Variants in ROBO1 observed in about 807,000 individuals in gnomAD.
ROBO1 encodes the protein roundabout homolog 1.
A neutral mutation model predicts 195.9 loss-of-function variants in ROBO1; 149 were observed. The observed-to-expected ratio is 0.76, with a 90% CI of 0.67 to 0.87. ROBO1 has a LOEUF of 0.87. ROBO1 is among the 40% of genes least tolerant of loss of function. ROBO1 has a pLI of 0.00. For synonymous variants in ROBO1, 816 were observed against 733.2 expected (o/e 1.11, Z -1.82); for missense variants, 1,933 against 2,068.3 (o/e 0.93, Z 1.27).
At chr3:79,461,822 A>G (rs1937653999) in intron 2 of ROBO1, among the ~76,000 whole-genome samples, 1 of 152,174 alleles carries the variant, frequency 6.6e-6, no homozygotes, top group Non-Finnish European at 1.5e-5. Context: ...AAATGGCATA[A>G]TGTTTGAAAT....
chr3:79,229,181 T>C (rs1347543454), intron 2 of ROBO1, among the ~76,000 whole-genome samples: 3 of 152,304 alleles, frequency 2.0e-5, no homozygotes, highest in Middle Eastern at 3.4e-3. Context: ...GTATGCAATT[T>C]AAACAATTCT....
At chr3:79,604,282 G>C (rs1411077792) in intron 1 of ROBO1, among the ~76,000 whole-genome samples, 3 of 151,894 alleles carry the variant, frequency 2.0e-5, no homozygotes, top group African/African-American at 7.2e-5. Flanking sequence ...TCTATTACAG[G>C]TTTACCTGCT....
At chr3:78,619,418 T>A (rs1704318090) in intron 26 of ROBO1, among the ~76,000 whole-genome samples, 3 of 151,796 alleles carry the variant, frequency 2.0e-5, no homozygotes, top group Non-Finnish European at 4.4e-5. Context: ...GTGCCCAGGA[T>A]TGAGGCCTTC....
chr3:79,214,718 T>C (rs1253072456), intron 2 of ROBO1, among the ~76,000 whole-genome samples: 1 of 149,102 alleles, frequency 6.7e-6, no homozygotes, highest in Non-Finnish European at 1.5e-5. Context: ...GTAATTGCTA[T>C]ATATATATAT....
intron 2 of ROBO1, among the ~76,000 whole-genome samples, chr3:79,204,838 C>T (rs1439666030): frequency 3.9e-5 from 6 of 152,176 alleles, no homozygotes; most frequent in Admixed American, 3.9e-4. Flanking sequence ...GTTTCCTACA[C>T]TGCAAATTGC....
At chr3:78,881,535 T>G (rs144506085) in intron 4 of ROBO1, among the ~76,000 whole-genome samples, 180 of 152,320 alleles carry the variant, frequency 1.2e-3, no homozygotes, top group African/African-American at 4.1e-3. Context: ...TATGGTTATT[T>G]TTAGACACTC....
chr3:78,902,896 C>T lies in ROBO1; in HGVS notation c.499+35705G>A, dbSNP rs895318945. On this transcript the variant is annotated intron_variant, in intron 4 of 30. Transcript: ENST00000464233. ...ATATTCATTGGCACTGAAACATTTA[C>T]TGGTACTGTCCAAAAATTCCAAGCT... Among the ~76,000 whole-genome samples, 20 of 152,068 alleles carry T rather than the reference C, an allele frequency of 1.3e-4. 1 individual carries two copies. Among genetic ancestry groups the T allele is most frequent in the African/African-American group, 4.8e-4 (20 of 41,428 alleles).
At chr3:79,252,968 T>C (rs1260472128) in intron 2 of ROBO1, among the ~76,000 whole-genome samples, 3 of 152,162 alleles carry the variant, frequency 2.0e-5, no homozygotes, top group African/African-American at 7.2e-5. Flanking sequence ...CCTACATGAA[T>C]CAGCTGGCCT....
chr3:79,440,950 A>C (rs1267338053), intron 2 of ROBO1, among the ~76,000 whole-genome samples: 1 of 152,144 alleles, frequency 6.6e-6, no homozygotes, highest in African/African-American at 2.4e-5. Context: ...TGAATGACCC[A>C]GTTTGCACTT....
intron 8 of ROBO1, among the ~76,000 whole-genome samples, chr3:78,697,249 AG>A (rs1193729090): frequency 7.6e-5 from 11 of 144,180 alleles, no homozygotes; most frequent in African/African-American, 2.7e-4. Flanking sequence ...AAAGGAAGGA[AG>A]GAAATAAAGG....
At chr3:79,764,556 CT>C in intron 1 of ROBO1, among the ~76,000 whole-genome samples, 1 of 152,266 alleles carries the variant, frequency 6.6e-6, no homozygotes, top group Non-Finnish European at 1.5e-5. Flanking sequence ...TACTGCCTTG[CT>C]TTTTTTCATT....
chr3:79,113,443 A>C (rs2079929602), intron 3 of ROBO1, among the ~76,000 whole-genome samples: 2 of 152,098 alleles, frequency 1.3e-5, no homozygotes, highest in South Asian at 2.1e-4. Context: ...TAAATATAAA[A>C]ATCAAATGAA....
chr3:79,223,465 A>T (rs1000901265), intron 2 of ROBO1, among the ~76,000 whole-genome samples: 2 of 152,142 alleles, frequency 1.3e-5, no homozygotes, highest in Non-Finnish European at 2.9e-5. Context: ...ATGCAAATAT[A>T]AAGAATCTGA....
intron 2 of ROBO1, among the ~76,000 whole-genome samples, chr3:79,251,314 G>C (rs116533387): frequency 0.025 from 3,775 of 152,226 alleles, 81 homozygotes; most frequent in Middle Eastern, 0.037. Flanking sequence ...TTATTTGCTT[G>C]CATGCAGAAG....
chr3:79,543,541 G>A (rs540720969), intron 2 of ROBO1, among the ~76,000 whole-genome samples: 38 of 152,170 alleles, frequency 2.5e-4, no homozygotes, highest in East Asian at 1.9e-4. Context: ...CGGATCATCC[G>A]AGCAGCATAT....
In ROBO1 at chr3:79,507,019, G is replaced by A. The variant is rs143686738; in HGVS notation, c.88+82805C>T. ...GCCACATCACCTAGATTCTGGAAGT[G>A]TCAGTTGCCCAATCAATCAACATAC... is the stretch of plus-strand genomic sequence containing the variant. On this transcript the variant is annotated intron_variant, in intron 2 of 30. Coordinates refer to ENST00000464233, the MANE Select transcript of ROBO1 (RefSeq NM_002941.4). 5.1e-3 allele frequency among the ~76,000 whole-genome samples: 777 copies of A among 152,312 alleles called. 3 individuals carry two copies. The highest frequency in any genetic ancestry group is 8.2e-3 in the Non-Finnish European group (559 of 68,040).
At chr3:79,197,381 T>C (rs1012265660) in intron 2 of ROBO1, among the ~76,000 whole-genome samples, 2 of 152,088 alleles carry the variant, frequency 1.3e-5, no homozygotes, top group Non-Finnish European at 2.9e-5. Context: ...TCCTTTTTTA[T>C]GGCTGCATAG....
intron 4 of ROBO1, among the ~76,000 whole-genome samples, chr3:78,928,237 A>G (rs538794843): frequency 6.6e-6 from 1 of 152,314 alleles, no homozygotes; most frequent in Admixed American, 6.5e-5. Flanking sequence ...GAGTATCCAC[A>G]ATGTCCACTA....
At chr3:79,724,428 C>G (rs1702827161) in intron 1 of ROBO1, among the ~76,000 whole-genome samples, 1 of 152,176 alleles carries the variant, frequency 6.6e-6, no homozygotes, top group Non-Finnish European at 1.5e-5. Flanking sequence ...GAGTAACTTG[C>G]TTCTAATCAA....
Sources: gnomAD v4.1 joint callset for allele counts (sites outside exome capture counted in the v4.1 genomes callset) on GRCh38, gnomAD v4.1.1 for gene constraint, MANE v1.5 for transcripts, NCBI Gene and HGNC (gene_info 2026-07-23, HGNC 2026-07-21) for gene names.